Variants in CTNND2 observed in about 807,000 individuals in gnomAD.
The protein encoded by CTNND2 is catenin delta 2, also known as catenin delta-2.
A neutral mutation model predicts 144.4 loss-of-function variants in CTNND2; 22 were observed. The observed-to-expected ratio is 0.15, with a 90% CI of 0.11 to 0.22. The LOEUF (loss-of-function observed/expected upper bound fraction) is 0.22. CTNND2 is among the 10% of genes least tolerant of loss of function. The pLI is 1.00. For synonymous variants in CTNND2, 751 were observed against 695.6 expected, an observed-to-expected ratio of 1.08 and a Z score of -1.25; for missense variants, 1,353 against 1,618.8, an observed-to-expected ratio of 0.84 and a Z score of 2.82.
chr5:11,705,497 A>G, intron 2 of CTNND2, among the ~76,000 whole-genome samples: 1 of 152,260 alleles, frequency 6.6e-6, no homozygotes, highest in South Asian at 2.1e-4. Flanking sequence ...ATATAAATAA[A>G]ATAATACCTG....
chr5:11,538,267 T>G (rs6893111), intron 3 of CTNND2, among the ~76,000 whole-genome samples: 69,394 of 151,976 alleles, frequency 0.46, 16,073 homozygotes, highest in Middle Eastern at 0.6. Context: ...GAAGAAGGAA[T>G]AATAACGAAT....
chr5:11,662,594 G>A (rs1007129905), intron 2 of CTNND2, among the ~76,000 whole-genome samples: 1 of 152,052 alleles, frequency 6.6e-6, no homozygotes. Flanking sequence ...CCAGCCCACT[G>A]ACTCAAATGT....
intron 2 of CTNND2, among the ~76,000 whole-genome samples, chr5:11,640,756 A>AT (rs1018827493): frequency 1.3e-5 from 2 of 152,186 alleles, no homozygotes; most frequent in African/African-American, 4.8e-5. Flanking sequence ...CACCTTTGTT[A>AT]TATTTAAGAT....
chr5:11,561,346 A>G (rs1374925786), intron 3 of CTNND2, among the ~76,000 whole-genome samples: 1 of 152,228 alleles, frequency 6.6e-6, no homozygotes, highest in African/African-American at 2.4e-5. Flanking sequence ...TGATCTGAAA[A>G]TAGGTTCTGG....
At chr5:11,684,184 C>T (rs1160993700) in intron 2 of CTNND2, among the ~76,000 whole-genome samples, 19 of 151,842 alleles carry the variant, frequency 1.3e-4, no homozygotes, top group Admixed American at 1.2e-3. Context: ...TCACTGCAAG[C>T]TCTGCCTCCT....
At chr5:11,571,100 T>C (rs1777513933) in intron 2 of CTNND2, among the ~76,000 whole-genome samples, 1 of 152,228 alleles carries the variant, frequency 6.6e-6, no homozygotes, top group Admixed American at 6.5e-5. Flanking sequence ...ATTTATTCTA[T>C]GGATGTAAAA....
intron 12 of CTNND2, among the ~76,000 whole-genome samples, chr5:11,123,230 G>T (rs12655358): frequency 0.011 from 1,721 of 152,176 alleles, 13 homozygotes; most frequent in Admixed American, 0.023. Flanking sequence ...TAGGAGGTAG[G>T]GGGGAGCATC....
intron 12 of CTNND2, among the ~76,000 whole-genome samples, chr5:11,124,073 TA>T (rs2149705053): frequency 6.6e-6 from 1 of 152,272 alleles, no homozygotes; most frequent in South Asian, 2.1e-4. Context: ...ACCATGTAAT[TA>T]CCTGCTCAGA....
At chr5:11,068,484 T>A (rs1232993886) in intron 16 of CTNND2, among the ~76,000 whole-genome samples, 1 of 152,238 alleles carries the variant, frequency 6.6e-6, no homozygotes, top group African/African-American at 2.4e-5. Flanking sequence ...GTCTCAGTTA[T>A]AAAAGATGCT....
rs577993215 is a variant in CTNND2, at chr5:11,893,767, C to T, written c.37+10050G>A. Among the ~76,000 whole-genome samples, 190 of 152,272 alleles carry T rather than the reference C, an allele frequency of 1.2e-3. 1 individual carries two copies. Among genetic ancestry groups the T allele is most frequent in the African/African-American group, 3.6e-3 (149 of 41,562 alleles). On this transcript the variant is annotated intron_variant, in intron 1 of 21. Coordinates refer to ENST00000304623, the MANE Select transcript of CTNND2 (RefSeq NM_001332.4). ...TACAAGCTAAGTACACCCCATGGAT[C>T]CCCTCAACTGCTGCAACAGGAAATA...
At chr5:11,580,186 G>A (rs955000633) in intron 2 of CTNND2, among the ~76,000 whole-genome samples, 3 of 151,504 alleles carry the variant, frequency 2.0e-5, no homozygotes, top group Admixed American at 6.6e-5. Flanking sequence ...TACTCTTTAG[G>A]GACTCAGGAA....
At chr5:11,681,978 CAT>C (rs1410086060) in intron 2 of CTNND2, among the ~76,000 whole-genome samples, 1 of 152,146 alleles carries the variant, frequency 6.6e-6, no homozygotes, top group Non-Finnish European at 1.5e-5. Flanking sequence ...ACACATGACA[CAT>C]GACACATGAC....
chr5:11,447,050 C>T (rs551803340), intron 3 of CTNND2, among the ~76,000 whole-genome samples: 16 of 152,190 alleles, frequency 1.1e-4, no homozygotes, highest in Admixed American at 8.5e-4. Context: ...ACCCCCTTCC[C>T]GGGTAACAAC....
chr5:11,879,368 C>A lies in CTNND2; in HGVS notation c.37+24449G>T, dbSNP rs189340533. Among the ~76,000 whole-genome samples the A allele has an allele frequency of 3.2e-3, 213 of 66,728 alleles. 2 individuals carry two copies. Among genetic ancestry groups the A allele is most frequent in the African/African-American group, 0.011 (210 of 19,680 alleles). The allele number at this position is 66,728 out of a possible 152,430, so 43.8% of individuals were successfully genotyped here. A position where few individuals can be genotyped will look rare whatever the true frequency, so the allele number is the denominator to read the frequency against. Reference sequence around the variant, plus strand: ...ATATATATATATATACATATACACACACACACAAACATATACATACATACA... The same window carrying A: ...ATATATATATATATACATATACACAAACACACAAACATATACATACATACA... On this transcript the variant is annotated intron_variant, in intron 1 of 21. Transcript: ENST00000304623.
At chr5:11,618,034 C>T (rs1780660460) in intron 2 of CTNND2, among the ~76,000 whole-genome samples, 1 of 152,036 alleles carries the variant, frequency 6.6e-6, no homozygotes, top group Non-Finnish European at 1.5e-5. Context: ...AGGACTTTAA[C>T]AACATGCCCT....
At chr5:11,472,314 C>T (rs1311247389) in intron 3 of CTNND2, among the ~76,000 whole-genome samples, 3 of 152,150 alleles carry the variant, frequency 2.0e-5, no homozygotes, top group Non-Finnish European at 4.4e-5. Flanking sequence ...ACATTCCTGG[C>T]ATCAGTACCA....
At position 11,031,660 on chromosome 5, in the gene CTNND2, C is replaced by T. The variant is rs139081187; in HGVS notation, c.2789-8681G>A. Among the ~76,000 whole-genome samples, 678 of 152,234 alleles carry T rather than the reference C, an allele frequency of 4.5e-3. 5 individuals carry two copies. Among genetic ancestry groups the T allele is most frequent in the African/African-American group, 0.016 (645 of 41,540 alleles). On this transcript the variant is annotated intron_variant, in intron 16 of 21. Transcript: ENST00000304623. ...ATTTGAGTCAGTGGATTGGGAGAGA[C>T]AGACCCACCCTCAAGGTGGGTGGGC...
At chr5:11,828,920 G>C (rs1442139459) in intron 1 of CTNND2, among the ~76,000 whole-genome samples, 2 of 152,094 alleles carry the variant, frequency 1.3e-5, no homozygotes, top group East Asian at 3.9e-4. Context: ...ATAATGATAT[G>C]GACAATAAAG....
At chr5:11,443,201 G>T (rs1764437007) in intron 3 of CTNND2, among the ~76,000 whole-genome samples, 1 of 147,150 alleles carries the variant, frequency 6.8e-6, no homozygotes, top group Non-Finnish European at 1.5e-5. Flanking sequence ...GTGTGTGTGT[G>T]GTGTGTATGT....
Sources: gnomAD v4.1 joint callset for allele counts (sites outside exome capture counted in the v4.1 genomes callset) on GRCh38, gnomAD v4.1.1 for gene constraint, MANE v1.5 for transcripts, NCBI Gene and HGNC (gene_info 2026-07-23, HGNC 2026-07-21) for gene names.